Variants in UBR7 observed in about 807,000 individuals in gnomAD.
The protein encoded by UBR7 is ubiquitin protein ligase E3 component n-recognin 7, also known as putative E3 ubiquitin-protein ligase UBR7.
Under a neutral mutation model 57.0 loss-of-function variants are expected in UBR7, and 22 were observed. The observed-to-expected ratio is 0.39, with a 90% confidence interval of 0.28 to 0.55. The LOEUF is 0.55. Among genes scored for constraint, UBR7 ranks in the 20% least tolerant of loss-of-function variants. The pLI is 0.69. For synonymous variants in UBR7, 167 were observed against 179.8 expected, an observed-to-expected ratio of 0.93 and a Z score of 0.57; for missense variants, 395 against 513.2, an observed-to-expected ratio of 0.77 and a Z score of 2.23.
chr14:93,221,956 A>T (rs991903961), intron 9 of UBR7, among the ~76,000 whole-genome samples: 4 of 148,544 alleles, frequency 2.7e-5, no homozygotes, highest in African/African-American at 5.1e-5. Context: ...ATCTCAAAAA[A>T]TAAAATAAAT....
rs780985865 is a variant in UBR7, at chr14:93,228,146, A to G, written c.*1111A>G. ...TGCACGAATGATGAGTTTTGTGTAT[A>G]TAATGTTAATGTCCACCGCCACTTC... On this transcript the variant is annotated 3_prime_UTR_variant, in exon 11 of 11. Transcript: ENST00000013070. 1.3e-4 allele frequency: 83 copies of G among 624,292 alleles called. No individual in the cohort carries two copies. The highest frequency in any genetic ancestry group is 1.3e-3 in the Middle Eastern group (3 of 2,368). 38.7% of individuals were successfully genotyped at this position (624,292 alleles called of 1,614,324 possible). A position where few individuals can be genotyped will look rare whatever the true frequency, so the allele number is the denominator to read the frequency against.
chr14:93,228,293 G>A lies in UBR7; in HGVS notation c.*1258G>A, dbSNP rs1894910200. 4.4e-6 allele frequency: 2 copies of A among 457,698 alleles called. No homozygotes were observed. Among genetic ancestry groups the A allele is most frequent in the Non-Finnish European group, 8.7e-6 (2 of 229,130 alleles). The allele number at this position is 457,698 out of a possible 1,614,324, so 28.4% of individuals were successfully genotyped here. On this transcript the variant is annotated 3_prime_UTR_variant, in exon 11 of 11. Coordinates refer to ENST00000013070, the MANE Select transcript of UBR7 (RefSeq NM_175748.4). ...CTTTAACACCCCTCAGTCTATGTAG[G>A]AAATGCCTTGTGATACATAGAGAAC...
In UBR7 at chr14:93,227,131, C is replaced by T. The variant is rs1366885128; in HGVS notation, c.*96C>T. ...GGTTCACATTTGGCCCCCTTTCCGT[C>T]CTCCTCTGTTTGGAGAGGCCTCGCG... On this transcript the variant is annotated 3_prime_UTR_variant, in exon 11 of 11. Coordinates refer to ENST00000013070, the MANE Select transcript of UBR7 (RefSeq NM_175748.4). 1.0e-6 allele frequency: 1 copy of T among 953,926 alleles called. No homozygotes were observed. Among genetic ancestry groups the T allele is most frequent in the South Asian group, 1.3e-5 (1 of 74,324 alleles). 59.1% of individuals were successfully genotyped at this position (953,926 alleles called of 1,614,324 possible).
At position 93,228,252 on chromosome 14, in the gene UBR7, A is replaced by G. The variant is rs779797219; in HGVS notation, c.*1217A>G. On this transcript the variant is annotated 3_prime_UTR_variant, in exon 11 of 11. Transcript: ENST00000013070. ...CCCACATTTGAGGGGAAGTCCTTTC[A>G]GTTGATATGAGATCTCTTTAACACC... The G allele has an allele frequency of 2.3e-5, 11 of 470,768 alleles. No homozygotes were observed. The highest frequency in any genetic ancestry group is 4.2e-5 in the Non-Finnish European group (10 of 237,918). The allele number at this position is 470,768 out of a possible 1,614,324, so 29.2% of individuals were successfully genotyped here.
Position 93,210,071 on chromosome 14 carries a change from TAA to T in UBR7, c.284+115_284+116del, listed in dbSNP as rs1491291636. On this transcript the variant is annotated intron_variant, in intron 2 of 10. Transcript: ENST00000013070. ...CAAAGCAGTTGAACACTAATGAAAT[TAA>T]TTAATTAATTTATTTATTTATTTAT... 1,039 of 651,216 alleles carry T rather than the reference TAA, an allele frequency of 1.6e-3. 19 individuals are homozygous for T. Among genetic ancestry groups the T allele is most frequent in the Middle Eastern group, 2.7e-3 (5 of 1,834 alleles). 40.3% of individuals were successfully genotyped at this position (651,216 alleles called of 1,614,324 possible). A position where few individuals can be genotyped will look rare whatever the true frequency, so the allele number is the denominator to read the frequency against.
chr14:93,219,170 G>C, intron 7 of UBR7, 42 bp from the exon 8 acceptor site: 2 of 1,598,392 alleles, frequency 1.3e-6, no homozygotes, highest in East Asian at 2.2e-5. Flanking sequence ...TGAAAACTAT[G>C]GTAGTTTAAA....
At chr14:93,220,731 A>G (rs575845428) in intron 9 of UBR7, among the ~76,000 whole-genome samples, 58 of 152,244 alleles carry the variant, frequency 3.8e-4, no homozygotes, top group Non-Finnish European at 6.9e-4. Flanking sequence ...GCATGTCACC[A>G]TTTTGACAGT....
chr14:93,210,805 A>G, intron 3 of UBR7, 97 bp downstream of exon 3: 2 of 1,056,370 alleles, frequency 1.9e-6, no homozygotes, highest in Non-Finnish European at 2.8e-6. Context: ...TTCCAAAAAA[A>G]GAAGTTCTTA....
At position 93,228,804 on chromosome 14, in the gene UBR7, A is replaced by T; in HGVS notation, c.*1769A>T. 1 of 454,124 alleles carries T rather than the reference A, an allele frequency of 2.2e-6. No homozygotes were observed. The highest frequency in any genetic ancestry group is 4.4e-6 in the Non-Finnish European group (1 of 226,790). 28.1% of individuals were successfully genotyped at this position (454,124 alleles called of 1,614,324 possible). A position where few individuals can be genotyped will look rare whatever the true frequency, so the allele number is the denominator to read the frequency against. On this transcript the variant is annotated 3_prime_UTR_variant, in exon 11 of 11. Coordinates refer to ENST00000013070, the MANE Select transcript of UBR7 (RefSeq NM_175748.4). ...AACTTTTAATCTTCTCAAATATCTGATGTAACTACCAGAAAGTCCCTTACT... is the reference window on the plus strand; with the variant it reads ...AACTTTTAATCTTCTCAAATATCTGTTGTAACTACCAGAAAGTCCCTTACT...
chr14:93,219,005 A>T (rs938051214), intron 7 of UBR7, among the ~76,000 whole-genome samples: 1 of 152,002 alleles, frequency 6.6e-6, no homozygotes, highest in Non-Finnish European at 1.5e-5. Flanking sequence ...CAGTGATCCG[A>T]GATCATGCCA....
chr14:93,212,816 A>G (rs1041548353), intron 4 of UBR7, among the ~76,000 whole-genome samples: 5 of 152,190 alleles, frequency 3.3e-5, no homozygotes, highest in Non-Finnish European at 5.9e-5. Flanking sequence ...AAGTTAGTCA[A>G]CCTGATTGTT....
intron 10 of UBR7, chr14:93,223,593 T>C: frequency 2.0e-6 from 2 of 999,930 alleles, no homozygotes; most frequent in Non-Finnish European, 3.1e-6. Flanking sequence ...GCGAGGGCCC[T>C]GCCCCTAGAA....
chr14:93,215,509 C>T (rs1238178457), intron 6 of UBR7, among the ~76,000 whole-genome samples: 5 of 151,932 alleles, frequency 3.3e-5, no homozygotes, highest in African/African-American at 1.2e-4. Context: ...GCCAACATGG[C>T]GAAACCCCAT....
chr14:93,211,039 C>T (rs1894471685), intron 3 of UBR7, among the ~76,000 whole-genome samples: 1 of 152,130 alleles, frequency 6.6e-6, no homozygotes, highest in African/African-American at 2.4e-5. Context: ...AGATCGAGAC[C>T]ATCCTGGCCA....
intron 6 of UBR7, among the ~76,000 whole-genome samples, chr14:93,216,716 G>A (rs1894599450): frequency 6.6e-6 from 1 of 151,734 alleles, no homozygotes; most frequent in Non-Finnish European, 1.5e-5. Context: ...CTGGGTTCAA[G>A]CGATTCTTGT....
At chr14:93,221,938 G>A (rs1186338790) in intron 9 of UBR7, among the ~76,000 whole-genome samples, 3 of 151,994 alleles carry the variant, frequency 2.0e-5, no homozygotes, top group Admixed American at 6.6e-5. Context: ...GTGACAGAGT[G>A]AGACTCCATC....
At chr14:93,223,672 G>T in intron 10 of UBR7, 2 of 1,356,414 alleles carry the variant, frequency 1.5e-6, no homozygotes, top group Non-Finnish European at 2.1e-6. Context: ...GGGGCAGCGG[G>T]AAACTTGATC....
rs866084832 is a variant in UBR7, at chr14:93,222,762, C to T, written c.1185+388C>T. ...TATTTCAAAAAAAAAAAAATGACTG[C>T]GACTTAAGTGGGTACTTGAGAGTTG... On this transcript the variant is annotated intron_variant, in intron 10 of 10. Transcript: ENST00000013070. Among the ~76,000 whole-genome samples the T allele has an allele frequency of 4.6e-5, 7 of 151,650 alleles. No homozygotes were observed. The Middle Eastern group carries it at 0.01, about 224-fold the overall frequency.
At chr14:93,223,854 G>A (rs1057208638) in intron 10 of UBR7, 16 of 749,108 alleles carry the variant, frequency 2.1e-5, no homozygotes, top group Non-Finnish European at 3.2e-5. Flanking sequence ...CGGTATTCCC[G>A]GTACATGTTG....
Sources: allele counts gnomAD v4.1 joint callset (sites outside exome capture counted in the v4.1 genomes callset), GRCh38; gene constraint gnomAD v4.1.1; transcripts MANE v1.5; gene names NCBI Gene and HGNC (gene_info 2026-07-23, HGNC 2026-07-21).